The following LARP4 variants were observed in gnomAD, a reference collection of about 807,000 sequenced individuals.
LARP4 encodes La ribonucleoprotein 4.
A neutral mutation model predicts 92.9 loss-of-function variants in LARP4; 29 were observed. The ratio of observed to expected loss-of-function variants is 0.31; its 90% CI spans 0.23 to 0.43. LARP4 has a LOEUF of 0.43. LARP4 is among the 20% of genes least tolerant of loss of function. LARP4 has a pLI of 1.00. For missense variants in LARP4, 732 were observed against 860.0 expected (o/e 0.85, Z 1.86); for synonymous variants, 279 against 284.1 (o/e 0.98, Z 0.18).
At chr12:50,448,931 T>TC (rs1258499964) in intron 8 of LARP4, among the ~76,000 whole-genome samples, 8 of 152,180 alleles carry the variant, frequency 5.3e-5, no homozygotes, top group African/African-American at 1.7e-4. Flanking sequence ...TTTTCCTGAT[T>TC]CCCCTTCTTT....
At chr12:50,458,978 G>GTTTA (rs1480173878) in intron 10 of LARP4, among the ~76,000 whole-genome samples, 2 of 152,084 alleles carry the variant, frequency 1.3e-5, no homozygotes, top group African/African-American at 4.8e-5. Context: ...GGTGATGGAT[G>GTTTA]TTTAGTAAGA....
chr12:50,473,939 A>T, intron 14 of LARP4, 60 bp from the exon 15 acceptor site: 1 of 1,402,808 alleles, frequency 7.1e-7, no homozygotes, highest in South Asian at 1.3e-5. Flanking sequence ...TCTTCTGATT[A>T]GTTGCTCAAC....
intron 5 of LARP4, 34 bp downstream of exon 5, chr12:50,435,658 T>G (rs774281473): frequency 6.8e-7 from 1 of 1,469,912 alleles, no homozygotes; most frequent in South Asian, 1.2e-5. Flanking sequence ...TTTTTTTTAA[T>G]TTTTAAACGT....
chr12:50,462,860 T>C (rs747371827), intron 12 of LARP4, among the ~76,000 whole-genome samples: 3 of 152,164 alleles, frequency 2.0e-5, no homozygotes, highest in Admixed American at 6.6e-5. Flanking sequence ...AAAAAAATTA[T>C]TTGAAGATCT....
chr12:50,413,740 G>C (rs1327896593), intron 1 of LARP4, among the ~76,000 whole-genome samples: 1 of 152,146 alleles, frequency 6.6e-6, no homozygotes, highest in Non-Finnish European at 1.5e-5. Context: ...TGTACAAAGT[G>C]GTCCTGTGAA....
At chr12:50,417,388 A>C (rs1464043647) in intron 1 of LARP4, among the ~76,000 whole-genome samples, 1 of 151,602 alleles carries the variant, frequency 6.6e-6, no homozygotes, top group Non-Finnish European at 1.5e-5. Flanking sequence ...AAAAAAAAAG[A>C]AAAAAAAGAA....
At chr12:50,443,856 AC>A (rs1322731968) in intron 8 of LARP4, among the ~76,000 whole-genome samples, 1 of 149,530 alleles carries the variant, frequency 6.7e-6, no homozygotes, top group Non-Finnish European at 1.5e-5. Context: ...CAGGTGATCC[AC>A]CCACCTCGGC....
In LARP4 at chr12:50,430,318, C is replaced by T. The variant is rs141295666; in HGVS notation, c.323-177C>T. On this transcript the variant is annotated intron_variant, in intron 3 of 15. Coordinates refer to ENST00000398473, the MANE Select transcript of LARP4 (RefSeq NM_052879.5). ...GGTTGAGGCTATACTGAGCTGTGAT[C>T]ACACCACTGTACTCTAGCCTGGGCA... 7.4e-3 allele frequency among the ~76,000 whole-genome samples: 1,129 copies of T among 152,292 alleles called. 9 individuals carry two copies. The highest frequency in any genetic ancestry group is 0.013 in the Non-Finnish European group (871 of 68,022).
intron 10 of LARP4, among the ~76,000 whole-genome samples, chr12:50,458,783 T>G (rs1345866355): frequency 1.3e-5 from 2 of 152,192 alleles, no homozygotes; most frequent in Non-Finnish European, 1.5e-5. Flanking sequence ...TCATCTGTTG[T>G]AAGCTTTTAG....
intron 3 of LARP4, among the ~76,000 whole-genome samples, 185 bp from the exon 4 acceptor site, chr12:50,430,310 G>T (rs752282348): frequency 4.6e-5 from 7 of 152,160 alleles, no homozygotes; most frequent in Non-Finnish European, 7.4e-5. Context: ...GCTATACTGA[G>T]CTGTGATCAC....
At chr12:50,415,750 A>G (rs2136556547) in intron 1 of LARP4, 1 of 144,144 alleles carries the variant, frequency 6.9e-6, no homozygotes, top group Non-Finnish European at 1.5e-5. Flanking sequence ...GTGCGGTGTC[A>G]CGATCTCGGC....
intron 12 of LARP4, 139 bp downstream of exon 12, chr12:50,462,769 C>A: frequency 1.7e-6 from 1 of 604,916 alleles, no homozygotes; most frequent in Non-Finnish European, 2.8e-6. Context: ...TAAATTTAAC[C>A]CTGAAATTTT....
intron 1 of LARP4, among the ~76,000 whole-genome samples, chr12:50,416,891 C>G (rs1402320845): frequency 1.3e-5 from 2 of 151,956 alleles, no homozygotes; most frequent in Non-Finnish European, 2.9e-5. Flanking sequence ...TTGGTTGATC[C>G]TGGGAGGTTG....
At chr12:50,443,932 A>G (rs1269230138) in intron 8 of LARP4, among the ~76,000 whole-genome samples, 2 of 152,150 alleles carry the variant, frequency 1.3e-5, no homozygotes, top group Non-Finnish European at 1.5e-5. Context: ...TGTTTTAATT[A>G]TCATCATTTT....
chr12:50,473,257 A>C (rs1309867492), intron 13 of LARP4, among the ~76,000 whole-genome samples, 158 bp from the exon 14 acceptor site: 1 of 152,078 alleles, frequency 6.6e-6, no homozygotes, highest in Non-Finnish European at 1.5e-5. Context: ...TTTAATTATA[A>C]CCATCCTTGT....
At chr12:50,439,410 C>T (rs1012085844) in intron 6 of LARP4, among the ~76,000 whole-genome samples, 1 of 151,744 alleles carries the variant, frequency 6.6e-6, no homozygotes, top group African/African-American at 2.4e-5. Context: ...TTTCCTCAAT[C>T]AATGGTTTTC....
At chr12:50,465,247 C>T (rs941241879) in intron 12 of LARP4, among the ~76,000 whole-genome samples, 5 of 151,758 alleles carry the variant, frequency 3.3e-5, no homozygotes, top group Non-Finnish European at 7.4e-5. Flanking sequence ...TGGTGGGTGC[C>T]TGTAGTCCCA....
rs1473362592 is a variant in LARP4, at chr12:50,401,040, A to C, written c.18+12A>C. On this transcript the variant is annotated intron_variant, in intron 1 of 15. Coordinates refer to ENST00000398473, the MANE Select transcript of LARP4 (RefSeq NM_052879.5). The stretch of plus-strand genomic sequence containing the variant: ...TGCTTTTCGTGGAGGTGAGTGCATT[A>C]TGCTAGTCTCGTCCTGCTCTTAGGA... The C allele has an allele frequency of 2.5e-6, 4 of 1,614,086 alleles. No homozygotes were observed. The highest frequency in any genetic ancestry group is 3.4e-6 in the Non-Finnish European group (4 of 1,179,974).
At chr12:50,405,424 T>A (rs114520641) in intron 1 of LARP4, among the ~76,000 whole-genome samples, 70 of 149,620 alleles carry the variant, frequency 4.7e-4, no homozygotes, top group African/African-American at 1.5e-3. Flanking sequence ...TTTAAAAAAA[T>A]TTTTTCATTT....
Sources: allele counts gnomAD v4.1 joint callset (sites outside exome capture counted in the v4.1 genomes callset), GRCh38; gene constraint gnomAD v4.1.1; transcripts MANE v1.5; gene names NCBI Gene and HGNC (gene_info 2026-07-23, HGNC 2026-07-21).